Variants in LDB2 observed in about 807,000 individuals in gnomAD.
LDB2 encodes LIM domain binding 2.
In LDB2, 12 loss-of-function variants were observed where a neutral mutation model predicts 44.3. The ratio of observed to expected loss-of-function variants is 0.27; its 90% CI spans 0.17 to 0.44. The LOEUF is 0.44. LDB2 is among the 20% of genes least tolerant of loss of function. LDB2 has a pLI of 1.00. For missense variants in LDB2, 344 were observed against 473.5 expected, an observed-to-expected ratio of 0.73 and a Z score of 2.54; for synonymous variants, 164 against 174.8, an observed-to-expected ratio of 0.94 and a Z score of 0.49.
intron 1 of LDB2, among the ~76,000 whole-genome samples, chr4:16,892,734 T>C (rs1419744448): frequency 6.6e-6 from 1 of 152,304 alleles, no homozygotes; most frequent in South Asian, 2.1e-4. Flanking sequence ...TGGACAATTG[T>C]AATAAAAAGA....
At chr4:16,633,520 T>A (rs896978423) in intron 2 of LDB2, among the ~76,000 whole-genome samples, 16 of 151,932 alleles carry the variant, frequency 1.1e-4, no homozygotes, top group African/African-American at 3.9e-4. Flanking sequence ...TAATTGCTAC[T>A]AAGAGAAAAA....
At chr4:16,572,587 ATGTG>A (rs1189579680) in intron 5 of LDB2, among the ~76,000 whole-genome samples, 2 of 151,896 alleles carry the variant, frequency 1.3e-5, no homozygotes, top group African/African-American at 2.4e-5. Flanking sequence ...TTGTATATAT[ATGTG>A]TGTGTGTGTA....
chr4:16,558,889 G>C (rs1341858477), intron 5 of LDB2, among the ~76,000 whole-genome samples: 2 of 152,224 alleles, frequency 1.3e-5, no homozygotes, highest in Admixed American at 6.5e-5. Context: ...AGCCAGAAGA[G>C]AGTGGGGGCC....
At chr4:16,805,683 C>T (rs1042522194) in intron 1 of LDB2, among the ~76,000 whole-genome samples, 1 of 152,170 alleles carries the variant, frequency 6.6e-6, no homozygotes, top group African/African-American at 2.4e-5. Flanking sequence ...CTACCTTGTT[C>T]TCAGGAGAGA....
rs548182455 is a variant in LDB2 at position 16,750,748 on chromosome 4, T to A, written c.235+8410A>T. On this transcript the variant is annotated intron_variant, in intron 2 of 7. Coordinates refer to ENST00000304523, the MANE Select transcript of LDB2 (RefSeq NM_001290.5). ...AGATAAATATCAAATAATGTTGTAG[T>A]AGAAGTATGATGTCTCAAGTATTGC... The A allele has an allele frequency of 3.3e-5, 5 of 152,350 alleles. No homozygotes were observed. The East Asian group carries it at 9.6e-4, about 29-fold the overall frequency. The allele number at this position is 152,350 out of a possible 1,614,324, so 9.4% of individuals were successfully genotyped here. A position where few individuals can be genotyped will look rare whatever the true frequency, so the allele number is the denominator to read the frequency against.
chr4:16,695,003 T>C (rs971824006), intron 2 of LDB2, among the ~76,000 whole-genome samples: 2 of 152,244 alleles, frequency 1.3e-5, no homozygotes, highest in African/African-American at 4.8e-5. Flanking sequence ...CCTTCTTATC[T>C]GTCTTTCCTT....
intron 2 of LDB2, among the ~76,000 whole-genome samples, chr4:16,680,504 G>A (rs547206067): frequency 3.3e-5 from 5 of 152,266 alleles, no homozygotes; most frequent in Admixed American, 2.0e-4. Flanking sequence ...GGTATGCAGG[G>A]AACTGCACTG....
At chr4:16,597,643 G>A (rs1721357116) in intron 2 of LDB2, among the ~76,000 whole-genome samples, 1 of 152,160 alleles carries the variant, frequency 6.6e-6, no homozygotes, top group Non-Finnish European at 1.5e-5. Context: ...TAAAAATGCA[G>A]ATGTAGGCCA....
intron 2 of LDB2, among the ~76,000 whole-genome samples, chr4:16,700,206 C>T (rs1753140181): frequency 6.6e-6 from 1 of 152,148 alleles, no homozygotes; most frequent in Non-Finnish European, 1.5e-5. Context: ...GCTACTCAAC[C>T]TGTAATAATT....
rs919674422 is a variant in LDB2 at position 16,667,091 on chromosome 4, T to G, written c.236-71216A>C. ...AACCTTATATATTTATTTAAGAGGA[T>G]AAAGGAATGCACAGAGAGTGTGTGT... On this transcript the variant is annotated intron_variant, in intron 2 of 7. Coordinates refer to ENST00000304523, the MANE Select transcript of LDB2 (RefSeq NM_001290.5). Among the ~76,000 whole-genome samples, 4 of 152,250 alleles carry G rather than the reference T, an allele frequency of 2.6e-5. No homozygotes were observed. The South Asian group carries it at 8.3e-4, about 32-fold the overall frequency.
intron 5 of LDB2, among the ~76,000 whole-genome samples, chr4:16,520,687 CCTT>C (rs1238962718): frequency 6.6e-6 from 1 of 152,146 alleles, no homozygotes; most frequent in Non-Finnish European, 1.5e-5. Flanking sequence ...AAGGGACCAT[CCTT>C]CTTCCAGAGT....
At position 16,502,661 on chromosome 4, in the gene LDB2, T is replaced by C. The variant is rs76242063; in HGVS notation, c.1104A>G (p.Pro368=). Residue 368 remains proline, a synonymous_variant, in exon 8 of 8, where the codon CCA becomes CCG. Transcript: ENST00000304523. The part of the protein sequence containing the change: ...ATQETKSENP[P]PQASQ ...GATCATCTTATTGGGAAGCCTGGGG[T>C]GGGGGGTTTTCTGATTTGGTCTCTT... The C allele has an allele frequency of 9.1e-4, 1,461 of 1,613,414 alleles. 1 individual carries two copies. The highest frequency in any genetic ancestry group is 1.1e-3 in the Non-Finnish European group (1,267 of 1,179,660).
intron 3 of LDB2, among the ~76,000 whole-genome samples, chr4:16,589,950 TA>T (rs1345480880): frequency 6.6e-6 from 1 of 152,168 alleles, no homozygotes; most frequent in African/African-American, 2.4e-5. Flanking sequence ...GTAAGAATGT[TA>T]GGAAAATTCA....
intron 5 of LDB2, among the ~76,000 whole-genome samples, chr4:16,528,246 A>G (rs1029465982): frequency 2.0e-5 from 3 of 152,222 alleles, no homozygotes; most frequent in African/African-American, 7.2e-5. Context: ...AAAGACTACA[A>G]ACTGGGTTCA....
chr4:16,714,954 A>G (rs1756757726), intron 2 of LDB2, among the ~76,000 whole-genome samples: 1 of 152,108 alleles, frequency 6.6e-6, no homozygotes, highest in Non-Finnish European at 1.5e-5. Context: ...ACACCTGCAA[A>G]GACCCTATTT....
chr4:16,588,672 A>G (rs773341444), intron 4 of LDB2, 38 bp downstream of exon 4: 1 of 1,605,702 alleles, frequency 6.2e-7, no homozygotes, highest in Admixed American at 1.7e-5. Context: ...AGGAGGAAAA[A>G]AAAGAAAAGA....
At chr4:16,854,728 GTATA>G (rs4065068) in intron 1 of LDB2, among the ~76,000 whole-genome samples, 1 of 149,074 alleles carries the variant, frequency 6.7e-6, no homozygotes, top group African/African-American at 2.5e-5. Flanking sequence ...TATTATGTGT[GTATA>G]TATATATATA....
At chr4:16,733,297 C>A (rs1024044338) in intron 2 of LDB2, among the ~76,000 whole-genome samples, 1 of 151,626 alleles carries the variant, frequency 6.6e-6, no homozygotes, top group Non-Finnish European at 1.5e-5. Context: ...GGAGAAGATG[C>A]TGTGAGCAGG....
At chr4:16,522,839 T>G (rs898448784) in intron 5 of LDB2, among the ~76,000 whole-genome samples, 1 of 152,060 alleles carries the variant, frequency 6.6e-6, no homozygotes, top group Non-Finnish European at 1.5e-5. Flanking sequence ...TAGTTAGAGG[T>G]TTACAAAAGA....
Sources: allele counts gnomAD v4.1 joint callset (sites outside exome capture counted in the v4.1 genomes callset), GRCh38; gene constraint gnomAD v4.1.1; transcripts MANE v1.5; gene names NCBI Gene and HGNC (gene_info 2026-07-23, HGNC 2026-07-21).